Variants in FKBP1B observed in about 807,000 individuals in gnomAD.
The protein encoded by FKBP1B is peptidyl-prolyl cis-trans isomerase FKBP1B.
Under a neutral mutation model 13.5 loss-of-function variants are expected in FKBP1B, and 4 were observed. The ratio of observed to expected loss-of-function variants is 0.30; its 90% CI spans 0.15 to 0.68. The LOEUF (loss-of-function observed/expected upper bound fraction) is 0.68, where lower values mean the gene tolerates loss of function less well. Ranked by LOEUF, FKBP1B falls within the 30% of genes least tolerant of loss-of-function variation. The pLI, the probability that FKBP1B is intolerant of heterozygous loss-of-function variation, is 0.76. For missense variants in FKBP1B, 93 were observed against 136.2 expected, an observed-to-expected ratio of 0.68 and a Z score of 1.58; for synonymous variants, 54 against 53.6, an observed-to-expected ratio of 1.01 and a Z score of -0.03.
the FKBP1B span, among the ~76,000 whole-genome samples, chr2:24,035,167 A>G: frequency 1.3e-5 from 2 of 151,760 alleles, no homozygotes; most frequent in Non-Finnish European, 2.9e-5. Flanking sequence ...TTTTTTCCTC[A>G]ACAAGTATAT....
At chr2:24,042,363 C>G in the FKBP1B span, among the ~76,000 whole-genome samples, 3 of 151,894 alleles carry the variant, frequency 2.0e-5, no homozygotes, top group Non-Finnish European at 4.4e-5. Context: ...CGGTGAAACC[C>G]TGTCTCTACT....
the FKBP1B span, among the ~76,000 whole-genome samples, chr2:24,035,756 A>G: frequency 6.6e-6 from 1 of 151,138 alleles, no homozygotes; most frequent in Non-Finnish European, 1.5e-5. Context: ...CTCTATAGTT[A>G]AAAAAAAATT....
At chr2:24,052,131 G>A (rs1175353717) in intron 1 of FKBP1B, among the ~76,000 whole-genome samples, 4 of 152,212 alleles carry the variant, frequency 2.6e-5, no homozygotes, top group South Asian at 2.1e-4. Context: ...GCTCCGCTTC[G>A]AAAATATGTC....
chr2:24,052,087 G>A (rs1663904986), intron 1 of FKBP1B, among the ~76,000 whole-genome samples: 1 of 152,084 alleles, frequency 6.6e-6, no homozygotes, highest in East Asian at 1.9e-4. Context: ...CCTCATCCTG[G>A]ACCCCATTTC....
At chr2:24,048,605 A>G (rs766481282), upstream of FKBP1B, among the ~76,000 whole-genome samples, 37 of 151,966 alleles carry the variant, frequency 2.4e-4, no homozygotes, top group Admixed American at 6.6e-4. Context: ...GGTGTGAGCC[A>G]TTGTTCCAAA....
At chr2:24,038,834 T>G in the FKBP1B span, 1 of 1,614,222 alleles carries the variant, frequency 6.2e-7, no homozygotes, top group Non-Finnish European at 8.5e-7. Flanking sequence ...GGAAGCTCAG[T>G]AGCTATAGCA....
chr2:24,057,923 G>A (rs1324571450), intron 2 of FKBP1B, among the ~76,000 whole-genome samples: 1 of 151,982 alleles, frequency 6.6e-6, no homozygotes, highest in Non-Finnish European at 1.5e-5. Flanking sequence ...CAGGCCAGGT[G>A]CGGTGGCTCC....
chr2:24,046,023 G>A (rs1663614847), upstream of FKBP1B: 1 of 151,796 alleles, frequency 6.6e-6, no homozygotes, highest in Non-Finnish European at 1.5e-5. Context: ...TATGGAGGCT[G>A]AGAGGATTTG....
In FKBP1B at chr2:24,063,496, C is replaced by A; in HGVS notation, c.*304C>A. ...TCTCTTGTTCGCACAATCTACACTG[C>A]CTTACCTTCACTTAAACCACACACA... is the stretch of plus-strand genomic sequence containing the variant. On this transcript the variant is annotated 3_prime_UTR_variant, in exon 4 of 4. Transcript: ENST00000380986. 1 of 334,974 alleles carries A rather than the reference C, an allele frequency of 3.0e-6. No individual in the cohort carries two copies. Among genetic ancestry groups the A allele is most frequent in the Non-Finnish European group, 5.4e-6 (1 of 184,080 alleles). 20.8% of individuals were successfully genotyped at this position (334,974 alleles called of 1,614,324 possible). A position where few individuals can be genotyped will look rare whatever the true frequency, so the allele number is the denominator to read the frequency against.
At chr2:24,034,774 C>T in the FKBP1B span, among the ~76,000 whole-genome samples, 19 of 151,960 alleles carry the variant, frequency 1.3e-4, no homozygotes, top group African/African-American at 4.4e-4. Context: ...AGGGTTTTGC[C>T]ATGCTGCCCA....
intron 2 of FKBP1B, among the ~76,000 whole-genome samples, chr2:24,060,039 A>T (rs911276014): frequency 2.0e-5 from 3 of 152,036 alleles, no homozygotes; most frequent in African/African-American, 7.2e-5. Flanking sequence ...AAGTGCCTGT[A>T]TGCAAGGTAG....
the FKBP1B span, chr2:24,039,029 G>T: frequency 1.5e-5 from 25 of 1,614,128 alleles, no homozygotes; most frequent in Non-Finnish European, 2.1e-5. Flanking sequence ...ATGCGGCCCT[G>T]GGTGTTGATG....
the FKBP1B span, chr2:24,038,133 C>A: frequency 5.0e-6 from 8 of 1,614,016 alleles, no homozygotes; most frequent in Non-Finnish European, 6.8e-6. Flanking sequence ...CTTTATTTAA[C>A]GGAGCACTGA....
chr2:24,048,431 A>T (rs1472824162), upstream of FKBP1B, among the ~76,000 whole-genome samples: 1 of 146,912 alleles, frequency 6.8e-6, no homozygotes, highest in Admixed American at 6.9e-5. Context: ...AGATTGTGCC[A>T]CTGCACTCCA....
chr2:24,037,575 G>A, the FKBP1B span: 11 of 1,290,236 alleles, frequency 8.5e-6, no homozygotes, highest in Admixed American at 2.5e-4. Flanking sequence ...GCTTAGTGAA[G>A]CTCAGTTAGA....
At chr2:24,061,277 C>T (rs1331345470) in intron 3 of FKBP1B, among the ~76,000 whole-genome samples, 2 of 152,102 alleles carry the variant, frequency 1.3e-5, no homozygotes, top group Non-Finnish European at 2.9e-5. Flanking sequence ...CTAGCCTCAC[C>T]AACATGGTGT....
At chr2:24,041,130 G>C in the FKBP1B span, among the ~76,000 whole-genome samples, 4 of 152,072 alleles carry the variant, frequency 2.6e-5, no homozygotes, top group African/African-American at 9.7e-5. Flanking sequence ...CCTGAGGTCA[G>C]GAGTTTGAGA....
chr2:24,053,735 G>A (rs1404191186), intron 1 of FKBP1B, among the ~76,000 whole-genome samples, 167 bp from the exon 2 acceptor site: 3 of 152,018 alleles, frequency 2.0e-5, no homozygotes, highest in Non-Finnish European at 4.4e-5. Flanking sequence ...GAGAGGTGAC[G>A]TGATTCATTC....
rs191440293 is a variant in FKBP1B at position 24,057,854 on chromosome 2, T to C, written c.86-2960T>C. Among the ~76,000 whole-genome samples the C allele has an allele frequency of 3.3e-5, 5 of 152,240 alleles. No individual in the cohort carries two copies. In the East Asian group the frequency reaches 9.7e-4, roughly 30 times the overall value. ...CCTAATTTTGATGAAGTCTGACTTA[T>C]CAATCTTTCCCTTTATGGTTAGTGC... On this transcript the variant is annotated intron_variant, in intron 2 of 3. Transcript: ENST00000380986.
Sources: gnomAD v4.1 joint callset for allele counts (sites outside exome capture counted in the v4.1 genomes callset) on GRCh38, gnomAD v4.1.1 for gene constraint, MANE v1.5 for transcripts, NCBI Gene and HGNC (gene_info 2026-07-23, HGNC 2026-07-21) for gene names.